Variants in IL18R1 observed in about 807,000 individuals in gnomAD.
IL18R1 encodes interleukin 18 receptor 1.
A neutral mutation model predicts 48.5 loss-of-function variants in IL18R1; 40 were observed. The ratio of observed to expected loss-of-function variants is 0.82; its 90% CI spans 0.64 to 1.07. The LOEUF is 1.07. Among genes scored for constraint, IL18R1 ranks in the 50% least tolerant of loss-of-function variants. IL18R1 has a pLI of 0.00. For synonymous variants in IL18R1, 232 were observed against 225.9 expected (o/e 1.03, Z -0.24); for missense variants, 596 against 633.7 (o/e 0.94, Z 0.64).
At chr2:102,364,941 C>A (rs903319951) in intron 2 of IL18R1, among the ~76,000 whole-genome samples, 1 of 152,080 alleles carries the variant, frequency 6.6e-6, no homozygotes, top group Non-Finnish European at 1.5e-5. Context: ...GGGTAATCAC[C>A]CCCATGATTA....
At chr2:102,364,706 C>T (rs1274588564) in intron 2 of IL18R1, among the ~76,000 whole-genome samples, 2 of 152,162 alleles carry the variant, frequency 1.3e-5, no homozygotes, top group Non-Finnish European at 2.9e-5. Context: ...CTAATAAAGG[C>T]ATACTTGAGA....
intron 2 of IL18R1, among the ~76,000 whole-genome samples, chr2:102,363,919 G>A (rs1465927035): frequency 2.0e-5 from 3 of 152,210 alleles, no homozygotes; most frequent in Admixed American, 2.0e-4. Flanking sequence ...AACAATAGGA[G>A]TGCCTATTTT....
chr2:102,369,238 AG>A (rs1679100209), intron 3 of IL18R1, among the ~76,000 whole-genome samples: 1 of 152,218 alleles, frequency 6.6e-6, no homozygotes, highest in East Asian at 1.9e-4. Flanking sequence ...CACAATTTAA[AG>A]GAATAAAGTA....
At chr2:102,359,616 T>C (rs931534545) in intron 1 of IL18R1, among the ~76,000 whole-genome samples, 1 of 152,222 alleles carries the variant, frequency 6.6e-6, no homozygotes, top group African/African-American at 2.4e-5. Context: ...GAGATACCAT[T>C]TTTCCATTTT....
At chr2:102,396,005 C>A (rs1458899694) in intron 10 of IL18R1, among the ~76,000 whole-genome samples, 1 of 152,174 alleles carries the variant, frequency 6.6e-6, no homozygotes, top group Non-Finnish European at 1.5e-5. Context: ...AGTTTGCCAA[C>A]CCCTGGTCTA....
Position 102,390,084 on chromosome 2 carries a change from C to T in IL18R1, c.978C>T (p.Val326=), listed in dbSNP as rs1341329828. 3 of 1,613,844 alleles carry T rather than the reference C, an allele frequency of 1.9e-6. No individual in the cohort carries two copies. Among genetic ancestry groups the T allele is most frequent in the Non-Finnish European group, 2.5e-6 (3 of 1,179,986 alleles). ...ACATGGCTGATATCCCAGGCCACGT[C>T]TTCACAAGAGGAATGATCATAGCTG... The part of the protein sequence containing the change: ...KADMADIPGH[V]FTRGMIIAVL... Residue 326 remains valine, a synonymous_variant, in exon 9 of 11, where the codon GTC becomes GTT. Coordinates refer to ENST00000233957, the MANE Select transcript of IL18R1 (RefSeq NM_003855.5).
chr2:102,360,328 A>T (rs1678499056), intron 1 of IL18R1, among the ~76,000 whole-genome samples: 1 of 152,112 alleles, frequency 6.6e-6, no homozygotes, highest in Non-Finnish European at 1.5e-5. Flanking sequence ...CAGTGATGAG[A>T]TCTCGGCTCA....
At chr2:102,390,270 G>A (rs960000932) in intron 9 of IL18R1, 53 bp downstream of exon 9, 3 of 1,468,678 alleles carry the variant, frequency 2.0e-6, no homozygotes, top group Admixed American at 3.4e-5. Context: ...TAAGAAATCA[G>A]ATAAATAGGC....
At chr2:102,358,891 A>G (rs940266076) in intron 1 of IL18R1, among the ~76,000 whole-genome samples, 2 of 152,218 alleles carry the variant, frequency 1.3e-5, no homozygotes, top group African/African-American at 4.8e-5. Context: ...TATGGATGTA[A>G]TTCATTCAAT....
chr2:102,379,099 C>A (rs573365685), intron 5 of IL18R1, among the ~76,000 whole-genome samples: 2 of 152,268 alleles, frequency 1.3e-5, no homozygotes, highest in African/African-American at 4.8e-5. Context: ...TAACAAAAGA[C>A]AGATTAACAA....
intron 9 of IL18R1, 55 bp downstream of exon 9, chr2:102,390,272 TA>T: frequency 6.9e-7 from 1 of 1,449,738 alleles, no homozygotes; most frequent in South Asian, 1.2e-5. Context: ...AGAAATCAGA[TA>T]AATAGGCATT....
chr2:102,372,090 C>T lies in IL18R1; in HGVS notation c.440C>T (p.Thr147Ile), dbSNP rs1240271812. Residue 147 changes from threonine to isoleucine, a missense_variant, in exon 4 of 11, where the codon ACA becomes ATA. Physicochemically the swap from Thr to Ile is moderately conservative, Grantham distance 89. This residue lies in a region of IL18R1 where 360 missense variants were observed against 339.4 expected (regional missense o/e 1.06). Coordinates refer to ENST00000233957, the MANE Select transcript of IL18R1 (RefSeq NM_003855.5). The part of the protein sequence containing the change: ...QITCENSYYQ[T>I]LVNSTSLYKN... The stretch of plus-strand genomic sequence containing the variant: ...ACCTGTGAAAACAGTTACTATCAAA[C>T]ACTGGTCAACAGCACATCATTGTAT... 6.2e-7 allele frequency: 1 copy of T among 1,603,470 alleles called. No homozygotes were observed. Among genetic ancestry groups the T allele is most frequent in the Non-Finnish European group, 8.5e-7 (1 of 1,177,176 alleles).
intron 2 of IL18R1, among the ~76,000 whole-genome samples, chr2:102,364,598 C>A (rs1678773931): frequency 6.6e-6 from 1 of 152,162 alleles, no homozygotes; most frequent in South Asian, 2.1e-4. Flanking sequence ...TGTATTGCAA[C>A]CAGAAAACAT....
intron 5 of IL18R1, among the ~76,000 whole-genome samples, chr2:102,377,297 G>A (rs960849824): frequency 4.6e-5 from 7 of 152,062 alleles, no homozygotes; most frequent in African/African-American, 1.2e-4. Flanking sequence ...GGGAAAATGC[G>A]TTTCTTTTAT....
At position 102,396,971 on chromosome 2, in the gene IL18R1, T is replaced by A; in HGVS notation, c.*85T>A. Reference sequence around the variant, plus strand: ...ACCTGTTCATAACAAAGGCTGTGACTCGAAATAATTAACTTTGTCAAAATC... The same window carrying A: ...ACCTGTTCATAACAAAGGCTGTGACACGAAATAATTAACTTTGTCAAAATC... On this transcript the variant is annotated 3_prime_UTR_variant, in exon 11 of 11. Transcript: ENST00000233957. 2.6e-6 allele frequency: 2 copies of A among 771,652 alleles called. No individual in the cohort carries two copies. Among genetic ancestry groups the A allele is most frequent in the Non-Finnish European group, 4.2e-6 (2 of 481,496 alleles). 47.8% of individuals were successfully genotyped at this position (771,652 alleles called of 1,614,324 possible).
In IL18R1 at chr2:102,355,916, C is replaced by G. The variant is rs1678219006; in HGVS notation, c.-513C>G. 1 of 152,250 alleles carries G rather than the reference C, an allele frequency of 6.6e-6. No individual in the cohort carries two copies. Among genetic ancestry groups the G allele is most frequent in the Non-Finnish European group, 1.5e-5 (1 of 68,100 alleles). The allele number at this position is 152,250 out of a possible 1,614,324, so 9.4% of individuals were successfully genotyped here. Reference sequence around the variant, plus strand: ...ACCTTTGGACCCCGCGATCCAGTAGCTCCGGTAACTCCACGCGGGGCGTCT... The same window carrying G: ...ACCTTTGGACCCCGCGATCCAGTAGGTCCGGTAACTCCACGCGGGGCGTCT... On this transcript the variant is annotated 5_prime_UTR_variant, in exon 1 of 11. Coordinates refer to ENST00000233957, the MANE Select transcript of IL18R1 (RefSeq NM_003855.5).
At chr2:102,363,251 T>C (rs1021419073) in intron 2 of IL18R1, among the ~76,000 whole-genome samples, 6 of 151,894 alleles carry the variant, frequency 4.0e-5, no homozygotes, top group African/African-American at 1.2e-4. Flanking sequence ...TAGCGTTCCA[T>C]GATTGAATAG....
In IL18R1 at chr2:102,398,268, TTGA is replaced by T. The variant is rs1558623684; in HGVS notation, c.*1387_*1389del. 1 of 152,382 alleles carries T rather than the reference TTGA, an allele frequency of 6.6e-6. No individual in the cohort carries two copies. The highest frequency in any genetic ancestry group is 2.4e-5 in the African/African-American group (1 of 41,462). 9.4% of individuals were successfully genotyped at this position (152,382 alleles called of 1,614,324 possible). The stretch of plus-strand genomic sequence containing the variant: ...AGGGAGCCCAGCACTGGGAGCCTTC[TTGA>T]TGATCTCAAAAATAATAGCTATTCA... On this transcript the variant is annotated 3_prime_UTR_variant, in exon 11 of 11. Transcript: ENST00000233957.
In IL18R1 at chr2:102,368,069, G is replaced by A. The variant is rs1385215549; in HGVS notation, c.302+1G>A. On this transcript the variant is annotated splice_donor_variant, in intron 3 of 10. Coordinates refer to ENST00000233957, the MANE Select transcript of IL18R1 (RefSeq NM_003855.5). LOFTEE classifies it high-confidence loss of function. ...CAGGATCTTACTTTTTCCAAATGAAGTGAGTAACCCTTTCTTTTCAAAATG... is the reference window on the plus strand; with the variant it reads ...CAGGATCTTACTTTTTCCAAATGAAATGAGTAACCCTTTCTTTTCAAAATG... The A allele has an allele frequency of 6.2e-7, 1 of 1,613,966 alleles. No individual in the cohort carries two copies. The highest frequency in any genetic ancestry group is 1.3e-5 in the African/African-American group (1 of 74,926).
Sources: allele counts gnomAD v4.1 joint callset (sites outside exome capture counted in the v4.1 genomes callset), GRCh38; gene constraint gnomAD v4.1.1; regional missense constraint gnomAD v4.1.1; transcripts MANE v1.5; gene names NCBI Gene and HGNC (gene_info 2026-07-23, HGNC 2026-07-21).